Variants in TEX14 observed in about 807,000 individuals in gnomAD.
TEX14 encodes the protein testis expressed 14, intercellular bridge forming factor.
TEX14 carries 168 observed loss-of-function variants against 178.6 expected under a neutral mutation model. The observed-to-expected ratio is 0.94, with a 90% CI of 0.83 to 1.07. TEX14 has a LOEUF of 1.07. TEX14 is among the 50% of genes least tolerant of loss of function. The pLI, the probability that TEX14 is intolerant of heterozygous loss-of-function variation, is 0.00. For synonymous variants in TEX14, 626 were observed against 634.1 expected (o/e 0.99, Z 0.19); for missense variants, 1,730 against 1,753.6 (o/e 0.99, Z 0.24).
At chr17:58,624,209 A>C (rs1166036691) in intron 3 of TEX14, among the ~76,000 whole-genome samples, 1 of 151,954 alleles carries the variant, frequency 6.6e-6, no homozygotes, top group Non-Finnish European at 1.5e-5. Context: ...GCGTAATGGC[A>C]TAAAACCCGG....
At chr17:58,611,954 G>A (rs1399829298) in intron 9 of TEX14, among the ~76,000 whole-genome samples, 1 of 152,204 alleles carries the variant, frequency 6.6e-6, no homozygotes, top group African/African-American at 2.4e-5. Flanking sequence ...GGAATGGCAA[G>A]CCATTTGGGG....
Position 58,613,559 on chromosome 17 carries a change from A to C in TEX14, c.882-15T>G, listed in dbSNP as rs755365177. 9.3e-6 allele frequency: 15 copies of C among 1,613,482 alleles called. No homozygotes were observed. The highest frequency in any genetic ancestry group is 2.2e-5 in the South Asian group (2 of 90,920). On this transcript the variant is annotated splice_polypyrimidine_tract_variant and intron_variant, in intron 8 of 31. Transcript: ENST00000349033. ...GCCGCAGCTTGCTGCAAAAGAAAAG[A>C]AGCTTCAGATAAGGCAGGTGAGAGG...
rs139132783 is a variant in TEX14 at position 58,650,268 on chromosome 17, G to C, written c.136+1598C>G. Among the ~76,000 whole-genome samples the C allele has an allele frequency of 3.9e-4, 59 of 151,646 alleles. 5 individuals are homozygous for C. The East Asian group carries it at 0.012, about 30-fold the overall frequency. On this transcript the variant is annotated intron_variant, in intron 2 of 31. Transcript: ENST00000349033. Reference sequence around the variant, plus strand: ...GGGTTTCACCATGTTGGCCAGGCAGGTCTCGAATCCTGACCTCAGATGATC... The same window carrying C: ...GGGTTTCACCATGTTGGCCAGGCAGCTCTCGAATCCTGACCTCAGATGATC...
intron 19 of TEX14, chr17:58,581,733 A>G: frequency 6.2e-7 from 1 of 1,607,194 alleles, no homozygotes; most frequent in Non-Finnish European, 8.5e-7. Flanking sequence ...GACTGATGCT[A>G]TTAATAATGT....
At chr17:58,617,208 G>A (rs560147441) in intron 6 of TEX14, among the ~76,000 whole-genome samples, 1 of 152,210 alleles carries the variant, frequency 6.6e-6, no homozygotes, top group Non-Finnish European at 1.5e-5. Flanking sequence ...CCAAGATCGC[G>A]CCACTGCACT....
At chr17:58,667,574 A>C (rs1007586562) in intron 1 of TEX14, among the ~76,000 whole-genome samples, 1 of 152,158 alleles carries the variant, frequency 6.6e-6, no homozygotes, top group African/African-American at 2.4e-5. Flanking sequence ...ATGGATAAAG[A>C]ACCTGAGGCA....
chr17:58,565,817 C>T lies in TEX14; in HGVS notation c.3894G>A (p.Leu1298=), dbSNP rs1172727033. ...SQELLDDIEL[L]KQQQGSSTVL... is the part of the protein sequence containing the mutation. ...CCGTGGATGAGCCCTGCTGCTGTTT[C>T]AAGAGCTCTGTCACAACACAAAAGC... The change falls in exon 27 of 32, where the codon TTG becomes TTA. Residue 1298 remains leucine (L), a synonymous_variant. Transcript: ENST00000349033. 6.2e-7 allele frequency: 1 copy of T among 1,605,832 alleles called. No homozygotes were observed. Among genetic ancestry groups the T allele is most frequent in the South Asian group, 1.1e-5 (1 of 88,870 alleles).
chr17:58,579,580 T>TC, intron 20 of TEX14, 85 bp downstream of exon 20: 5 of 1,151,886 alleles, frequency 4.3e-6, no homozygotes, highest in Middle Eastern at 2.0e-4. Context: ...TCCCTCAGGA[T>TC]CCCCCCAGCT....
intron 10 of TEX14, among the ~76,000 whole-genome samples, chr17:58,610,373 T>A (rs1360046678): frequency 6.6e-6 from 1 of 152,144 alleles, no homozygotes; most frequent in Non-Finnish European, 1.5e-5. Context: ...CACTGCAATG[T>A]GGGAGGCAGT....
intron 5 of TEX14, among the ~76,000 whole-genome samples, chr17:58,619,361 T>A (rs2045945189): frequency 6.6e-6 from 1 of 152,220 alleles, no homozygotes; most frequent in Non-Finnish European, 1.5e-5. Context: ...ACTCTAGTCA[T>A]CTACAGCCAT....
At chr17:58,604,944 G>T in intron 11 of TEX14, 34 bp downstream of exon 11, 4 of 1,611,272 alleles carry the variant, frequency 2.5e-6, no homozygotes, top group Non-Finnish European at 3.4e-6. Flanking sequence ...CTAAGAATAG[G>T]GACTTTGGTC....
intron 1 of TEX14, among the ~76,000 whole-genome samples, chr17:58,654,107 G>A (rs888752749): frequency 8.5e-5 from 13 of 152,132 alleles, no homozygotes; most frequent in Middle Eastern, 3.2e-3. Context: ...GAACCCGGGA[G>A]GTGGAGCTTG....
rs150102862 is a variant in TEX14, at chr17:58,632,467, C to T, written c.137-1913G>A. Among the ~76,000 whole-genome samples, 32 of 152,352 alleles carry T rather than the reference C, an allele frequency of 2.1e-4. 1 individual carries two copies. The East Asian group carries it at 6.0e-3, about 28-fold the overall frequency. On this transcript the variant is annotated intron_variant, in intron 2 of 31. Transcript: ENST00000349033. ...TCAGCCTTCCAAAATGCTGGGATTACAGGCGTGAGCCGTCACACCCGGCCA... is the reference window on the plus strand; with the variant it reads ...TCAGCCTTCCAAAATGCTGGGATTATAGGCGTGAGCCGTCACACCCGGCCA...
chr17:58,639,288 G>A (rs1241549492), intron 2 of TEX14, among the ~76,000 whole-genome samples: 3 of 152,130 alleles, frequency 2.0e-5, no homozygotes, highest in South Asian at 2.1e-4. Flanking sequence ...ATCTTGCTTG[G>A]GGAGTTGAGG....
At chr17:58,608,501 G>T (rs1295983452) in intron 10 of TEX14, among the ~76,000 whole-genome samples, 1 of 150,492 alleles carries the variant, frequency 6.6e-6, no homozygotes, top group East Asian at 2.0e-4. Flanking sequence ...AAGATCGCTT[G>T]ACGCTGGGAG....
chr17:58,680,762 AC>A (rs1476882279), intron 1 of TEX14, among the ~76,000 whole-genome samples: 1 of 152,102 alleles, frequency 6.6e-6, no homozygotes, highest in Admixed American at 6.6e-5. Context: ...AACCAAAAAA[AC>A]AAATTAGAAT....
At chr17:58,600,531 A>G (rs1441566961) in intron 13 of TEX14, among the ~76,000 whole-genome samples, 1 of 150,706 alleles carries the variant, frequency 6.6e-6, no homozygotes, top group East Asian at 1.9e-4. Flanking sequence ...ATTGCACTCC[A>G]GTCTGGGCAA....
At chr17:58,644,117 G>C (rs2046641274) in intron 2 of TEX14, among the ~76,000 whole-genome samples, 1 of 152,034 alleles carries the variant, frequency 6.6e-6, no homozygotes, top group East Asian at 1.9e-4. Flanking sequence ...GGAGAGGAGA[G>C]GGGCTGGAGA....
intron 10 of TEX14, among the ~76,000 whole-genome samples, chr17:58,610,572 A>G (rs1054853611): frequency 2.0e-5 from 3 of 152,164 alleles, no homozygotes; most frequent in African/African-American, 7.2e-5. Flanking sequence ...TGAGCGAGAA[A>G]TACACCTTGT....
Sources: allele counts gnomAD v4.1 joint callset (sites outside exome capture counted in the v4.1 genomes callset), GRCh38; gene constraint gnomAD v4.1.1; transcripts MANE v1.5; gene names NCBI Gene and HGNC (gene_info 2026-07-23, HGNC 2026-07-21).